ATP8A1: variants seen among roughly 807,000 people sequenced by gnomAD.
The protein encoded by ATP8A1 is ATPase phospholipid transporting 8A1.
Under a neutral mutation model 177.7 loss-of-function variants are expected in ATP8A1, and 90 were observed. The observed-to-expected ratio is 0.51, with a 90% CI of 0.43 to 0.60. ATP8A1 has a LOEUF of 0.60. Among genes scored for constraint, ATP8A1 ranks in the 20% least tolerant of loss-of-function variants. The pLI, the probability that ATP8A1 is intolerant of heterozygous loss-of-function variation, is 0.00. For missense variants in ATP8A1, 1,072 were observed against 1,392.8 expected, an observed-to-expected ratio of 0.77 and a Z score of 3.67; for synonymous variants, 493 against 485.9, an observed-to-expected ratio of 1.01 and a Z score of -0.19.
At chr4:42,512,354 G>A (rs967787034) in intron 22 of ATP8A1, among the ~76,000 whole-genome samples, 1 of 152,154 alleles carries the variant, frequency 6.6e-6, no homozygotes, top group Admixed American at 6.5e-5. Context: ...CCTCAGGCCT[G>A]AGTCACCCGT....
chr4:42,595,179 C>T (rs536528778), intron 6 of ATP8A1, among the ~76,000 whole-genome samples: 1 of 152,060 alleles, frequency 6.6e-6, no homozygotes, highest in Admixed American at 6.6e-5. Context: ...ACATGAATTT[C>T]AATACTTAAT....
At chr4:42,468,446 CACACACAG>C (rs1720041209) in intron 25 of ATP8A1, among the ~76,000 whole-genome samples, 2 of 151,678 alleles carry the variant, frequency 1.3e-5, no homozygotes, top group Non-Finnish European at 2.9e-5. Flanking sequence ...CACACACACA[CACACACAG>C]ACACACACAT....
In ATP8A1 at chr4:42,411,746, G is replaced by A. The variant is rs532269565; in HGVS notation, c.*1170C>T. ...TCCGCATTTTTTAAATGGGGAAAAT[G>A]TACTACCTATTTGTCCCAATAAGCA... On this transcript the variant is annotated 3_prime_UTR_variant, in exon 37 of 37. Coordinates refer to ENST00000381668, the MANE Select transcript of ATP8A1 (RefSeq NM_006095.2). 1.3e-5 allele frequency: 2 copies of A among 152,108 alleles called. No homozygotes were observed. The highest frequency in any genetic ancestry group is 1.3e-4 in the Admixed American group (2 of 15,262). 9.4% of individuals were successfully genotyped at this position (152,108 alleles called of 1,614,324 possible). A position where few individuals can be genotyped will look rare whatever the true frequency, so the allele number is the denominator to read the frequency against.
At chr4:42,522,932 T>TCA (rs1386390686) in intron 21 of ATP8A1, among the ~76,000 whole-genome samples, 1 of 152,148 alleles carries the variant, frequency 6.6e-6, no homozygotes, top group East Asian at 1.9e-4. Flanking sequence ...CCAGAGTTCT[T>TCA]CAGTACCAAG....
intron 1 of ATP8A1, among the ~76,000 whole-genome samples, chr4:42,629,791 T>C (rs1003332395): frequency 6.6e-6 from 1 of 152,250 alleles, no homozygotes; most frequent in Non-Finnish European, 1.5e-5. Context: ...CTAGCATTTT[T>C]GCTAATTTGG....
chr4:42,440,160 A>G (rs1716462869), intron 33 of ATP8A1, among the ~76,000 whole-genome samples: 1 of 152,118 alleles, frequency 6.6e-6, no homozygotes, highest in Admixed American at 6.5e-5. Flanking sequence ...CTCTGCCCTC[A>G]AACTGTATTC....
intron 16 of ATP8A1, among the ~76,000 whole-genome samples, chr4:42,555,221 G>C (rs1290787237): frequency 8.4e-5 from 12 of 142,468 alleles, no homozygotes; most frequent in Non-Finnish European, 1.5e-4. Flanking sequence ...CCCCCCCCTA[G>C]AGAACCCTAA....
At chr4:42,564,587 C>T (rs1380335642) in intron 15 of ATP8A1, among the ~76,000 whole-genome samples, 1 of 152,212 alleles carries the variant, frequency 6.6e-6, no homozygotes, top group Admixed American at 6.5e-5. Context: ...TTGTTTTGGC[C>T]AATGTCTCTC....
chr4:42,529,963 GGAA>G (rs763834400), intron 20 of ATP8A1, among the ~76,000 whole-genome samples: 7 of 152,214 alleles, frequency 4.6e-5, no homozygotes, highest in Non-Finnish European at 8.8e-5. Flanking sequence ...AGAAATCTGG[GGAA>G]GAAGTATGTG....
At position 42,522,162 on chromosome 4, in the gene ATP8A1, T is replaced by C. The variant is rs199644717; in HGVS notation, c.1945A>G (p.Lys649Glu). 3.7e-6 allele frequency: 6 copies of C among 1,606,876 alleles called. No individual in the cohort carries two copies. In the East Asian group the frequency reaches 1.3e-4, roughly 36 times the overall value. Residue 649 changes from lysine to glutamate, a missense_variant and splice_region_variant, in exon 22 of 37, where the codon AAG becomes GAG. By Grantham distance (56) the Lys-to-Glu change is moderately conservative (BLOSUM62 1). Transcript: ENST00000381668. ...GATCAACAGAATCATCCACGTACCT[T>C]TTCAATCAACTCATAACTCTCTTCG... ...KLEESYELIE[K>E]NLQLLGATAI...
intron 1 of ATP8A1, among the ~76,000 whole-genome samples, chr4:42,646,163 C>T (rs1740510151): frequency 6.6e-6 from 1 of 152,176 alleles, no homozygotes; most frequent in Admixed American, 6.5e-5. Context: ...ACTCAGAAAC[C>T]TTGGTAGGCC....
At chr4:42,467,426 G>A (rs1719893099) in intron 25 of ATP8A1, among the ~76,000 whole-genome samples, 1 of 152,184 alleles carries the variant, frequency 6.6e-6, no homozygotes, top group Non-Finnish European at 1.5e-5. Context: ...GGGCGTAGTG[G>A]CTCATGCCTG....
chr4:42,556,093 A>T, intron 15 of ATP8A1, 53 bp from the exon 16 acceptor site: 1 of 1,293,920 alleles, frequency 7.7e-7, no homozygotes, highest in Non-Finnish European at 1.1e-6. Context: ...CAGCCCACTG[A>T]TCTATTTGTT....
At chr4:42,470,654 A>ATTTGCCT (rs1264577975) in intron 25 of ATP8A1, among the ~76,000 whole-genome samples, 4 of 152,214 alleles carry the variant, frequency 2.6e-5, no homozygotes, top group Non-Finnish European at 4.4e-5. Context: ...AAACTTAAAA[A>ATTTGCCT]TTACTATGAA....
At chr4:42,502,421 A>C (rs28716104) in intron 24 of ATP8A1, among the ~76,000 whole-genome samples, 59,131 of 152,010 alleles carry the variant, frequency 0.39, 11,643 homozygotes, top group East Asian at 0.57. Flanking sequence ...TTGATACTTA[A>C]AACATTTAAA....
In ATP8A1 at chr4:42,548,998, G is replaced by A. The variant is rs376471265; in HGVS notation, c.1652+15C>T. 14 of 1,594,800 alleles carry A rather than the reference G, an allele frequency of 8.8e-6. No homozygotes were observed. The highest frequency in any genetic ancestry group is 3.3e-4 in the Middle Eastern group (2 of 6,034). On this transcript the variant is annotated intron_variant, in intron 19 of 36. Coordinates refer to ENST00000381668, the MANE Select transcript of ATP8A1 (RefSeq NM_006095.2). The stretch of plus-strand genomic sequence containing the variant: ...ATTTATCTTATCCATACAAATCACT[G>A]AGCAGATGTTTTACCTGGTAAACTC...
intron 25 of ATP8A1, among the ~76,000 whole-genome samples, chr4:42,469,591 CTT>C (rs1226154436): frequency 6.6e-6 from 1 of 152,186 alleles, no homozygotes; most frequent in African/African-American, 2.4e-5. Context: ...GATTGCCCCT[CTT>C]TGATAATTTC....
chr4:42,632,908 T>C (rs1355192994), intron 1 of ATP8A1, among the ~76,000 whole-genome samples: 1 of 152,202 alleles, frequency 6.6e-6, no homozygotes, highest in East Asian at 1.9e-4. Flanking sequence ...TGACAGTTAC[T>C]CTCAGCTCTA....
chr4:42,635,547 CAG>C, intron 1 of ATP8A1, among the ~76,000 whole-genome samples: 2 of 151,500 alleles, frequency 1.3e-5, no homozygotes. Flanking sequence ...GGAAACTAGA[CAG>C]AGACTTTACA....
Sources: gnomAD v4.1 joint callset for allele counts (sites outside exome capture counted in the v4.1 genomes callset) on GRCh38, gnomAD v4.1.1 for gene constraint, MANE v1.5 for transcripts, NCBI Gene and HGNC (gene_info 2026-07-23, HGNC 2026-07-21) for gene names.